Variants in ARHGEF18 observed in about 807,000 individuals in gnomAD.
ARHGEF18 encodes the protein rho guanine nucleotide exchange factor 18.
In ARHGEF18, 93 loss-of-function variants were observed where a neutral mutation model predicts 155.7. The observed-to-expected ratio is 0.60, with a 90% CI of 0.50 to 0.71. The LOEUF is 0.71. Ranked by LOEUF, ARHGEF18 falls within the 30% of genes least tolerant of loss-of-function variation. The pLI, the probability that ARHGEF18 is intolerant of heterozygous loss-of-function variation, is 0.00. For missense variants in ARHGEF18, 1,593 were observed against 1,816.1 expected (o/e 0.88, Z 2.23); for synonymous variants, 742 against 753.1 (o/e 0.99, Z 0.24).
rs1381977914 is a variant in ARHGEF18 at position 7,379,175 on chromosome 19, GAA to G, written c.644+10_644+11del. 1 of 1,232,406 alleles carries G rather than the reference GAA, an allele frequency of 8.1e-7. No individual in the cohort carries two copies. Among genetic ancestry groups the G allele is most frequent in the Non-Finnish European group, 1.0e-6 (1 of 988,330 alleles). 76.3% of individuals were successfully genotyped at this position (1,232,406 alleles called of 1,614,324 possible). ...CTTCGACAGTACCATGGGTAAGTGG[GAA>G]TCGGGACAGGCTTGAGGGGAGCAAA... On this transcript the variant is annotated intron_variant, in intron 7 of 28. Coordinates refer to ENST00000668164, the MANE Select transcript of ARHGEF18 (RefSeq NM_001367823.1).
intron 10 of ARHGEF18, among the ~76,000 whole-genome samples, chr19:7,398,962 T>A (rs1461328525): frequency 8.5e-5 from 13 of 152,244 alleles, no homozygotes; most frequent in Admixed American, 8.5e-4. Context: ...TCAGATCGTG[T>A]GTCAAGATCT....
chr19:7,449,125 A>G (rs989250167), intron 15 of ARHGEF18, among the ~76,000 whole-genome samples: 3 of 152,150 alleles, frequency 2.0e-5, no homozygotes, highest in Non-Finnish European at 4.4e-5. Context: ...TGCAAATCCC[A>G]CAGCGGCTCC....
At chr19:7,473,801 T>G (rs1271938562), downstream of ARHGEF18, among the ~76,000 whole-genome samples, 2 of 97,782 alleles carry the variant, frequency 2.0e-5, no homozygotes, top group African/African-American at 9.1e-5. Flanking sequence ...AGAGCGAGAC[T>G]CCGTCTCAAA....
rs746544273 is a variant in ARHGEF18 at position 7,458,571 on chromosome 19, G to A, written c.2241G>A (p.Glu747=). 6.2e-7 allele frequency: 1 copy of A among 1,614,138 alleles called. No individual in the cohort carries two copies. The highest frequency in any genetic ancestry group is 1.1e-5 in the South Asian group (1 of 91,080). Residue 747 remains glutamate (E), a synonymous_variant, in exon 19 of 29, where the codon GAG becomes GAA. Coordinates refer to ENST00000668164, the MANE Select transcript of ARHGEF18 (RefSeq NM_001367823.1). ...TCATCGTGAGGGAAGTGGCCAACGA[G>A]GAGAAAGCGATGTTTCTGATCAGCG... is the stretch of plus-strand genomic sequence containing the variant. ...QKLIVREVAN[E]EKAMFLISAS...
In ARHGEF18 at chr19:7,362,787, A is replaced by G. The variant is rs1410264980; in HGVS notation, c.-104A>G. 1 of 1,234,000 alleles carries G rather than the reference A, an allele frequency of 8.1e-7. No individual in the cohort carries two copies. The highest frequency in any genetic ancestry group is 1.0e-6 in the Non-Finnish European group (1 of 988,060). 76.4% of individuals were successfully genotyped at this position (1,234,000 alleles called of 1,614,324 possible). On this transcript the variant is annotated 5_prime_UTR_variant, in exon 2 of 29. An upstream open reading frame in the 5' UTR loses its in-frame stop. Transcript: ENST00000668164. ...GTCCCTCCTTTCTCCACAGGCTCTGAGCCCAAGTCATGTGTCCAGCCTTTT... is the reference window on the plus strand; with the variant it reads ...GTCCCTCCTTTCTCCACAGGCTCTGGGCCCAAGTCATGTGTCCAGCCTTTT...
chr19:7,386,285 C>G (rs1037848133), intron 10 of ARHGEF18, among the ~76,000 whole-genome samples: 3 of 147,212 alleles, frequency 2.0e-5, no homozygotes, highest in Admixed American at 2.0e-4. Context: ...GAAAAGGAGA[C>G]AGAGTGATTA....
rs181567915 is a variant in ARHGEF18 at position 7,436,120 on chromosome 19, A to G, written c.968-4224A>G. Reference sequence around the variant, plus strand: ...AACTTCAGTGTCTTCTAAATCATCAAAGGAGGGTTTACATATATTCCCATA... The same window carrying G: ...AACTTCAGTGTCTTCTAAATCATCAGAGGAGGGTTTACATATATTCCCATA... On this transcript the variant is annotated intron_variant, in intron 10 of 28. Transcript: ENST00000668164. 7.5e-4 allele frequency among the ~76,000 whole-genome samples: 114 copies of G among 152,200 alleles called. 1 individual carries two copies. Among genetic ancestry groups the G allele is most frequent in the Non-Finnish European group, 1.2e-3 (82 of 68,022 alleles).
At chr19:7,448,588 G>A (rs1975155008) in intron 15 of ARHGEF18, among the ~76,000 whole-genome samples, 2 of 152,006 alleles carry the variant, frequency 1.3e-5, no homozygotes, top group African/African-American at 4.8e-5. Context: ...GTGAACCCGG[G>A]AGGCGGAGCG....
chr19:7,469,881 C>T lies in ARHGEF18; in HGVS notation c.3788-23C>T, dbSNP rs772976300. On this transcript the variant is annotated intron_variant, in intron 27 of 28. Transcript: ENST00000668164. ...GGACAGCTGGCCAGCCTGGAGCTGG[C>T]CCAAATACCTTCTCTCTTCCAGCGT... 13 of 1,610,608 alleles carry T rather than the reference C, an allele frequency of 8.1e-6. No homozygotes were observed. In the East Asian group the frequency reaches 2.9e-4, roughly 36 times the overall value.
At position 7,462,737 on chromosome 19, in the gene ARHGEF18, G is replaced by A. The variant is rs572108067; in HGVS notation, c.2635+403G>A. On this transcript the variant is annotated intron_variant, in intron 21 of 28. Transcript: ENST00000668164. This position sits in a 1 kb window ranked among gnomAD's most constrained non-coding sequence, Gnocchi z 4.4. ...AGAAAAACACACGCACACTCCCTCA[G>A]TGGGTCCCCACGCACAGCTCTAACA... Among the ~76,000 whole-genome samples the A allele has an allele frequency of 1.3e-4, 20 of 152,138 alleles. No homozygotes were observed. In the East Asian group the frequency reaches 3.5e-3, roughly 26 times the overall value.
At chr19:7,451,120 A>T (rs574805925) in intron 15 of ARHGEF18, 29 bp from the exon 16 acceptor site, 12 of 1,603,408 alleles carry the variant, frequency 7.5e-6, no homozygotes, top group South Asian at 5.5e-5. Flanking sequence ...CTGAGATGTT[A>T]ATACAGGATC....
rs368290154 is a variant in ARHGEF18, at chr19:7,470,718, C to T, written c.*420C>T. 470 of 400,526 alleles carry T rather than the reference C, an allele frequency of 1.2e-3. 5 individuals are homozygous for T. Among genetic ancestry groups the T allele is most frequent in the East Asian group, 0.011 (311 of 28,038 alleles). The allele number at this position is 400,526 out of a possible 1,614,324, so 24.8% of individuals were successfully genotyped here. On this transcript the variant is annotated 3_prime_UTR_variant, in exon 29 of 29. Transcript: ENST00000668164. The surrounding 1 kb of genome is among the most constrained non-coding windows in gnomAD (Gnocchi z 5.9). ...CTTGCTTTGAGAAGGAGCTGCCGGC[C>T]GGGGCCACGCTCCACAGCCGCCGCG...
rs1381487652 is a variant in ARHGEF18 at position 7,467,666 on chromosome 19, G to A, written c.3462G>A (p.Pro1154=). The change falls in exon 26 of 29, where the codon CCG becomes CCA. Residue 1154 remains proline, a synonymous_variant. Coordinates refer to ENST00000668164, the MANE Select transcript of ARHGEF18 (RefSeq NM_001367823.1). The part of the protein sequence containing the change: ...KKQNTAPGAL[P]PDTLAEAQPP... ...AGAACACCGCGCCAGGCGCGCTGCC[G>A]CCCGACACACTGGCCGAGGTGAGCG... 5 of 1,509,854 alleles carry A rather than the reference G, an allele frequency of 3.3e-6. No individual in the cohort carries two copies. The highest frequency in any genetic ancestry group is 1.2e-5 in the South Asian group (1 of 81,332). 93.5% of individuals were successfully genotyped at this position (1,509,854 alleles called of 1,614,324 possible). A position where few individuals can be genotyped will look rare whatever the true frequency, so the allele number is the denominator to read the frequency against.
At chr19:7,403,259 C>T (rs1972111883) in intron 10 of ARHGEF18, among the ~76,000 whole-genome samples, 1 of 152,108 alleles carries the variant, frequency 6.6e-6, no homozygotes, top group Non-Finnish European at 1.5e-5. Context: ...GTGATTTTTA[C>T]TATGTTCACA....
Position 7,450,985 on chromosome 19 carries a change from A to T in ARHGEF18, c.1738-164A>T, listed in dbSNP as rs547294429. Among the ~76,000 whole-genome samples, 2,023 of 151,648 alleles carry T rather than the reference A, an allele frequency of 0.013. 75 individuals are homozygous for T. Among genetic ancestry groups the T allele is most frequent in the East Asian group, 0.079 (401 of 5,078 alleles). On this transcript the variant is annotated intron_variant, in intron 15 of 28. Transcript: ENST00000668164. ...CTTGCTGTCCGTTTCCGAGATGTTA[A>T]TGCAGGATCTTGCTGTCCATTTCCG...
Position 7,444,589 on chromosome 19 carries a change from C to T in ARHGEF18, c.1611+135C>T, listed in dbSNP as rs1232731320. On this transcript the variant is annotated intron_variant, in intron 14 of 28. Transcript: ENST00000668164. The surrounding 1 kb of genome is among the most constrained non-coding windows in gnomAD (Gnocchi z 4.7). ...GCAGTGGTGCAGTCACAGCTCAATG[C>T]AGCCTCAACCTCTCAGGCTCAGGTG... 3.2e-5 allele frequency: 41 copies of T among 1,268,668 alleles called. No individual in the cohort carries two copies. Among genetic ancestry groups the T allele is most frequent in the Non-Finnish European group, 4.3e-5 (40 of 939,206 alleles). 78.6% of individuals were successfully genotyped at this position (1,268,668 alleles called of 1,614,324 possible). A position where few individuals can be genotyped will look rare whatever the true frequency, so the allele number is the denominator to read the frequency against.
At chr19:7,376,955 CAG>C (rs894568290) in intron 5 of ARHGEF18, among the ~76,000 whole-genome samples, 198 bp downstream of exon 5, 5 of 152,134 alleles carry the variant, frequency 3.3e-5, no homozygotes, top group African/African-American at 1.2e-4. Flanking sequence ...TGGGGGAAGC[CAG>C]AGAGGGGAAG....
downstream of ARHGEF18, among the ~76,000 whole-genome samples, chr19:7,476,187 T>C (rs1977223258): frequency 6.6e-6 from 1 of 152,216 alleles, no homozygotes; most frequent in African/African-American, 2.4e-5. Context: ...GATAAACACC[T>C]GTAGTTCCTG....
intron 10 of ARHGEF18, among the ~76,000 whole-genome samples, chr19:7,407,708 G>A (rs759690543): frequency 1.1e-4 from 16 of 151,946 alleles, no homozygotes; most frequent in Non-Finnish European, 1.9e-4. Context: ...AATTTTTTCT[G>A]TTAAGAGCTA....
Sources: allele counts gnomAD v4.1 joint callset (sites outside exome capture counted in the v4.1 genomes callset), GRCh38; gene constraint gnomAD v4.1.1; non-coding constraint Gnocchi (gnomAD v3.1); transcripts MANE v1.5; gene names NCBI Gene and HGNC (gene_info 2026-07-23, HGNC 2026-07-21).